TAFA4: variants seen among roughly 807,000 people sequenced by gnomAD.
TAFA4 encodes chemokine-like protein TAFA-4.
Under a neutral mutation model 21.1 loss-of-function variants are expected in TAFA4, and 20 were observed. The ratio of observed to expected loss-of-function variants is 0.95; its 90% CI spans 0.67 to 1.38. The LOEUF (loss-of-function observed/expected upper bound fraction) is 1.38. TAFA4 is among the 40% of genes most tolerant of loss of function. TAFA4 has a pLI of 0.00. For synonymous variants in TAFA4, 71 were observed against 67.4 expected, an observed-to-expected ratio of 1.05 and a Z score of -0.26; for missense variants, 211 against 180.9, an observed-to-expected ratio of 1.17 and a Z score of -0.95.
chr3:68,837,868 T>C (rs765943414), intron 3 of TAFA4, among the ~76,000 whole-genome samples: 1 of 152,066 alleles, frequency 6.6e-6, no homozygotes, highest in Non-Finnish European at 1.5e-5. Flanking sequence ...TCAGGATCTG[T>C]TTTTTATTAT....
At chr3:68,776,706 T>C (rs532890892) in intron 3 of TAFA4, among the ~76,000 whole-genome samples, 45 of 152,168 alleles carry the variant, frequency 3.0e-4, no homozygotes, top group Admixed American at 1.0e-3. Flanking sequence ...AGAATACACA[T>C]TATTTTCAGC....
chr3:68,851,063 T>C (rs1315216532), intron 3 of TAFA4, among the ~76,000 whole-genome samples: 1 of 152,162 alleles, frequency 6.6e-6, no homozygotes, highest in Non-Finnish European at 1.5e-5. Flanking sequence ...TGCAGCACTA[T>C]TCACAATAGC....
chr3:68,749,560 A>G (rs1349246869), intron 4 of TAFA4, among the ~76,000 whole-genome samples: 2 of 152,260 alleles, frequency 1.3e-5, no homozygotes, highest in African/African-American at 2.4e-5. Context: ...ATATTCAGAT[A>G]AGGAAGAGAT....
intron 3 of TAFA4, among the ~76,000 whole-genome samples, chr3:68,845,051 G>A (rs2106900199): frequency 6.6e-6 from 1 of 152,316 alleles, no homozygotes; most frequent in South Asian, 2.1e-4. Flanking sequence ...GTCCAGAGCT[G>A]AGTTCAAGTT....
intron 1 of TAFA4, among the ~76,000 whole-genome samples, chr3:68,887,645 T>A (rs937287703): frequency 2.8e-4 from 43 of 152,112 alleles, no homozygotes; most frequent in African/African-American, 8.4e-4. Flanking sequence ...GTGGACACCA[T>A]CAAGGCATAC....
intron 3 of TAFA4, among the ~76,000 whole-genome samples, chr3:68,809,070 C>A (rs6782334): frequency 0.014 from 2,188 of 152,218 alleles, 54 homozygotes; most frequent in African/African-American, 0.05. Context: ...GGAGGAGCAA[C>A]AAATATTTTC....
At position 68,923,068 on chromosome 3, in the gene TAFA4, G is replaced by A. The variant is rs186846940; in HGVS notation, c.-123+9172C>T. On this transcript the variant is annotated intron_variant, in intron 1 of 5. Transcript: ENST00000295569. Reference sequence around the variant, plus strand: ...CACATCTGACTCAGGATTCCATGAGGCCCAGCTCTCCCACTCCCCTTCCCC... The same window carrying A: ...CACATCTGACTCAGGATTCCATGAGACCCAGCTCTCCCACTCCCCTTCCCC... Among the ~76,000 whole-genome samples, 227 of 152,170 alleles carry A rather than the reference G, an allele frequency of 1.5e-3. 1 individual carries two copies. Among genetic ancestry groups the A allele is most frequent in the African/African-American group, 5.3e-3 (221 of 41,514 alleles).
At chr3:68,746,591 G>A (rs951398727) in intron 4 of TAFA4, among the ~76,000 whole-genome samples, 4 of 152,080 alleles carry the variant, frequency 2.6e-5, no homozygotes, top group Non-Finnish European at 5.9e-5. Flanking sequence ...TATATTTCTT[G>A]TTAAGAAAAG....
intron 3 of TAFA4, among the ~76,000 whole-genome samples, chr3:68,787,564 A>G (rs1417934699): frequency 1.3e-5 from 2 of 152,174 alleles, no homozygotes; most frequent in African/African-American, 4.8e-5. Context: ...GCGAACGTCC[A>G]TCGGCATCAC....
chr3:68,867,299 A>G (rs2106931454), intron 3 of TAFA4, among the ~76,000 whole-genome samples: 1 of 152,228 alleles, frequency 6.6e-6, no homozygotes, highest in East Asian at 1.9e-4. Flanking sequence ...GCTAAAGAAA[A>G]AAACCATAAG....
At chr3:68,925,371 A>C (rs2090098467) in intron 1 of TAFA4, among the ~76,000 whole-genome samples, 1 of 152,222 alleles carries the variant, frequency 6.6e-6, no homozygotes, top group Admixed American at 6.5e-5. Flanking sequence ...AGAGCTGCCA[A>C]ATGATTTAAA....
intron 3 of TAFA4, among the ~76,000 whole-genome samples, chr3:68,779,324 A>G (rs1028757772): frequency 5.9e-5 from 9 of 152,214 alleles, no homozygotes; most frequent in African/African-American, 1.9e-4. Flanking sequence ...CCATTTTCTG[A>G]GGAAAAATTC....
intron 3 of TAFA4, among the ~76,000 whole-genome samples, chr3:68,849,030 C>T (rs1387812083): frequency 6.6e-6 from 1 of 152,140 alleles, no homozygotes; most frequent in Non-Finnish European, 1.5e-5. Flanking sequence ...ATGAGCTATC[C>T]TTCTAGAATG....
At chr3:68,785,950 A>G (rs148410289) in intron 3 of TAFA4, among the ~76,000 whole-genome samples, 181 of 152,348 alleles carry the variant, frequency 1.2e-3, no homozygotes, top group African/African-American at 4.1e-3. Flanking sequence ...AACATACACA[A>G]TGATCATGTA....
intron 3 of TAFA4, among the ~76,000 whole-genome samples, chr3:68,878,994 A>T (rs1259245861): frequency 6.6e-6 from 1 of 152,166 alleles, no homozygotes; most frequent in Non-Finnish European, 1.5e-5. Context: ...AGGTAGGTGG[A>T]GATAGGGTTG....
intron 3 of TAFA4, among the ~76,000 whole-genome samples, chr3:68,804,554 A>G (rs1464909118): frequency 6.6e-6 from 1 of 152,220 alleles, no homozygotes; most frequent in East Asian, 1.9e-4. Context: ...TTCAAACTAT[A>G]CTACAAGGCT....
chr3:68,917,752 T>TAAAAAAAAA (rs2090017749), intron 1 of TAFA4, among the ~76,000 whole-genome samples: 1 of 56,270 alleles, frequency 1.8e-5, no homozygotes, highest in Non-Finnish European at 3.2e-5. Context: ...AGACTCTGTC[T>TAAAAAAAAA]CAAAAAAAAA....
rs963593010 is a variant in TAFA4 at position 68,777,887 on chromosome 3, T to C, written c.131-24869A>G. Among the ~76,000 whole-genome samples, 28 of 152,134 alleles carry C rather than the reference T, an allele frequency of 1.8e-4. No individual in the cohort carries two copies. In the South Asian group the frequency reaches 2.7e-3, roughly 15 times the overall value. ...GTCCAGGTTTGTAACTTAGAAGCAA[T>C]AGCCCATACCATATAACCTAGGTGT... On this transcript the variant is annotated intron_variant, in intron 3 of 5. Transcript: ENST00000295569.
intron 1 of TAFA4, among the ~76,000 whole-genome samples, chr3:68,914,487 A>G (rs1040017428): frequency 1.3e-5 from 2 of 152,216 alleles, no homozygotes; most frequent in African/African-American, 2.4e-5. Flanking sequence ...TTAATTAGCA[A>G]AAGGTATTAA....
Sources: gnomAD v4.1 joint callset for allele counts (sites outside exome capture counted in the v4.1 genomes callset) on GRCh38, gnomAD v4.1.1 for gene constraint, MANE v1.5 for transcripts, NCBI Gene and HGNC (gene_info 2026-07-23, HGNC 2026-07-21) for gene names.